RETN: variants seen among roughly 807,000 people sequenced by gnomAD.
RETN encodes C/EBP-epsilon regulated myeloid-specific secreted cysteine-rich protein precursor 1.
A neutral mutation model predicts 6.1 loss-of-function variants in RETN; 5 were observed. The observed-to-expected ratio is 0.82, with a 90% CI of 0.43 to 1.73. The LOEUF is 1.73. Among genes scored for constraint, RETN ranks in the 40% most tolerant of loss-of-function variants. The pLI, the probability that RETN is intolerant of heterozygous loss-of-function variation, is 0.02. For missense variants in RETN, 168 were observed against 142.5 expected (o/e 1.18, Z -0.91); for synonymous variants, 62 against 59.2 (o/e 1.05, Z -0.22).
exon 4 of RETN, chr19:7,670,445 GATGATGATGAT>G: frequency 8.4e-7 from 1 of 1,193,774 alleles, no homozygotes; most frequent in Non-Finnish European, 1.1e-6. Flanking sequence ...TGATGATGAT[GATGATGATGAT>G]GATGATGGAG....
rs371035083 is a variant in RETN at position 7,669,936 on chromosome 19, G to C, written c.196+38G>C. On this transcript the variant is annotated intron_variant, in intron 3 of 3. Transcript: ENST00000221515. Reference sequence around the variant, plus strand: ...GACTGTTGTCCAGGCGCCCATTTCTGTTCCAAGTCCCCTGGGAATGCCCCC... The same window carrying C: ...GACTGTTGTCCAGGCGCCCATTTCTCTTCCAAGTCCCCTGGGAATGCCCCC... 3.6e-5 allele frequency: 56 copies of C among 1,548,214 alleles called. No homozygotes were observed. In the East Asian group the frequency reaches 8.8e-4, roughly 24 times the overall value.
chr19:7,669,581 C>A (rs2032457514), intron 2 of RETN, 137 bp downstream of exon 2: 1 of 768,386 alleles, frequency 1.3e-6, no homozygotes, highest in South Asian at 1.4e-5. Context: ...AAATTCAACC[C>A]CAACTCCACT....
intron 3 of RETN, 111 bp downstream of exon 3, chr19:7,670,009 G>A (rs978536976): frequency 1.0e-5 from 10 of 991,434 alleles, no homozygotes; most frequent in African/African-American, 1.6e-5. Context: ...TAGGATCTTG[G>A]TCCTGACTCC....
chr19:7,670,249 C>A lies in RETN; in HGVS notation c.227C>A (p.Ser76Tyr). The change falls in exon 4 of 4, where the codon TCC becomes TAC. Residue 76 changes from serine (S) to tyrosine (Y), a missense_variant. By Grantham distance (144) the Ser-to-Tyr change is moderately radical. Coordinates refer to ENST00000221515, the MANE Select transcript of RETN (RefSeq NM_020415.4). ...GCCGTCACCGGCTGCACTTGTGGCT[C>A]CGCCTGTGGCTCGTGGGATGTGCGC... ...GFAVTGCTCG[S>Y]ACGSWDVRAE... 6.2e-7 allele frequency: 1 copy of A among 1,604,412 alleles called. No individual in the cohort carries two copies. Among genetic ancestry groups the A allele is most frequent in the Non-Finnish European group, 8.5e-7 (1 of 1,178,966 alleles).
rs1470365899 is a variant in RETN, at chr19:7,670,261, C to T, written c.239C>T (p.Ser80Leu). 2 of 1,598,450 alleles carry T rather than the reference C, an allele frequency of 1.3e-6. No individual in the cohort carries two copies. The highest frequency in any genetic ancestry group is 2.7e-5 in the African/African-American group (2 of 74,766). ...TGCTCGSACG[S>L]WDVRAETTCH... is the part of the protein sequence containing the mutation. ...TGCACTTGTGGCTCCGCCTGTGGCT[C>T]GTGGGATGTGCGCGCCGAGACCACA... The change falls in exon 4 of 4, where the codon TCG (serine) becomes TTG (leucine). Residue 80 changes from serine (S) to leucine (L), a missense_variant. By Grantham distance (145) the Ser-to-Leu change is moderately radical (BLOSUM62 -2). Coordinates refer to ENST00000221515, the MANE Select transcript of RETN (RefSeq NM_020415.4).
intron 3 of RETN, 70 bp downstream of exon 3, chr19:7,669,968 C>A: frequency 8.3e-7 from 1 of 1,207,264 alleles, no homozygotes; most frequent in Non-Finnish European, 1.2e-6. Flanking sequence ...CCCCTCCCCG[C>A]CACGTTCCCC....
At position 7,669,997 on chromosome 19, in the gene RETN, C is replaced by G; in HGVS notation, c.196+99C>G. On this transcript the variant is annotated intron_variant, in intron 3 of 3. Transcript: ENST00000221515. ...GTTCCCCGTGTCCAGCCTCTACTCC[C>G]CTAGGATCTTGGTCCTGACTCCCAG... 2.9e-6 allele frequency: 3 copies of G among 1,036,142 alleles called. No individual in the cohort carries two copies. The South Asian group carries it at 4.0e-5, about 14-fold the overall frequency. 64.2% of individuals were successfully genotyped at this position (1,036,142 alleles called of 1,614,324 possible). A position where few individuals can be genotyped will look rare whatever the true frequency, so the allele number is the denominator to read the frequency against.
rs1184508906 is a variant in RETN at position 7,670,381 on chromosome 19, G to A, written c.*32G>A. 6.5e-7 allele frequency: 1 copy of A among 1,532,750 alleles called. No homozygotes were observed. Among genetic ancestry groups the A allele is most frequent in the South Asian group, 1.2e-5 (1 of 84,554 alleles). 94.9% of individuals were successfully genotyped at this position (1,532,750 alleles called of 1,614,324 possible). A position where few individuals can be genotyped will look rare whatever the true frequency, so the allele number is the denominator to read the frequency against. On this transcript the variant is annotated 3_prime_UTR_variant, in exon 4 of 4. Transcript: ENST00000221515. ...GCGCAGCGCGTGCACAGCGCGGGCG[G>A]AGGCGGCTCCAGGTCCGGAGGGGTT...
Position 7,670,375 on chromosome 19 carries a change from C to T in RETN, c.*26C>T. ...GGTCGCGCGCAGCGCGTGCACAGCG[C>T]GGGCGGAGGCGGCTCCAGGTCCGGA... On this transcript the variant is annotated 3_prime_UTR_variant, in exon 4 of 4. Transcript: ENST00000221515. 3 of 1,533,248 alleles carry T rather than the reference C, an allele frequency of 2.0e-6. No individual in the cohort carries two copies. Among genetic ancestry groups the T allele is most frequent in the South Asian group, 1.2e-5 (1 of 84,614 alleles). 95.0% of individuals were successfully genotyped at this position (1,533,248 alleles called of 1,614,324 possible). A position where few individuals can be genotyped will look rare whatever the true frequency, so the allele number is the denominator to read the frequency against.
chr19:7,670,111 C>CGGGGG, intron 3 of RETN, 108 bp from the exon 4 acceptor site: 3 of 614,660 alleles, frequency 4.9e-6, no homozygotes, highest in Non-Finnish European at 5.9e-6. Flanking sequence ...CAGCCGTCCC[C>CGGGGG]GTCCCCACCC....
At chr19:7,670,112 G>A (rs1455397376) in intron 3 of RETN, 107 bp from the exon 4 acceptor site, 10 of 579,180 alleles carry the variant, frequency 1.7e-5, no homozygotes, top group Non-Finnish European at 2.8e-5. Flanking sequence ...AGCCGTCCCC[G>A]TCCCCACCCC....
chr19:7,669,917 T>A lies in RETN; in HGVS notation c.196+19T>A. 1 of 1,608,076 alleles carries A rather than the reference T, an allele frequency of 6.2e-7. No individual in the cohort carries two copies. Among genetic ancestry groups the A allele is most frequent in the Non-Finnish European group, 8.5e-7 (1 of 1,174,840 alleles). On this transcript the variant is annotated intron_variant, in intron 3 of 3. Coordinates refer to ENST00000221515, the MANE Select transcript of RETN (RefSeq NM_020415.4). ...CCCCGAGGTGAGTGCAGGAGACTGT[T>A]GTCCAGGCGCCCATTTCTGTTCCAA...
intron 3 of RETN, 76 bp from the exon 4 acceptor site, chr19:7,670,143 G>A: frequency 2.9e-6 from 1 of 343,738 alleles, no homozygotes; most frequent in Non-Finnish European, 5.0e-6. Context: ...ACCCCCCTCC[G>A]CGCTCCCCAC....
In RETN at chr19:7,669,065, A is replaced by G; in HGVS notation, c.-67A>G. 1.1e-5 allele frequency: 5 copies of G among 452,782 alleles called. No individual in the cohort carries two copies. Among genetic ancestry groups the G allele is most frequent in the Non-Finnish European group, 2.0e-5 (5 of 246,966 alleles). The allele number at this position is 452,782 out of a possible 1,614,324, so 28.0% of individuals were successfully genotyped here. ...CCCCACCCCAAGAGGCCTCAAAGAA[A>G]GAGCTGCGGTGCAGGAATTCGTGTG... is the stretch of plus-strand genomic sequence containing the variant. On this transcript the variant is annotated 5_prime_UTR_variant, in exon 1 of 4. Transcript: ENST00000221515.
At position 7,669,622 on chromosome 19, in the gene RETN, C is replaced by T. The variant is rs544873772; in HGVS notation, c.118+178C>T. Among the ~76,000 whole-genome samples, 41 of 152,196 alleles carry T rather than the reference C, an allele frequency of 2.7e-4. No individual in the cohort carries two copies. The South Asian group carries it at 8.5e-3, about 32-fold the overall frequency. On this transcript the variant is annotated intron_variant, in intron 2 of 3. Coordinates refer to ENST00000221515, the MANE Select transcript of RETN (RefSeq NM_020415.4). ...CCCCTCCGACTGTCCCCACCTTATC[C>T]ACGGCTCCAAACCCAATCCCCGCTC... is the stretch of plus-strand genomic sequence containing the variant.
At chr19:7,669,534 G>C (rs1329893956) in intron 2 of RETN, 90 bp downstream of exon 2, 1 of 947,882 alleles carries the variant, frequency 1.1e-6, no homozygotes. Flanking sequence ...CAGCCCCAGC[G>C]CTCACCAAAT....
intron 2 of RETN, 137 bp downstream of exon 2, chr19:7,669,581 C>T: frequency 1.3e-6 from 1 of 768,386 alleles, no homozygotes; most frequent in Non-Finnish European, 2.3e-6. Context: ...AAATTCAACC[C>T]CAACTCCACT....
chr19:7,670,350 G>A lies in RETN; in HGVS notation c.*1G>A. ...GCGCTGCTGTCGTGTGCAGCCCTGA[G>A]GTCGCGCGCAGCGCGTGCACAGCGC... On this transcript the variant is annotated 3_prime_UTR_variant, in exon 4 of 4. Coordinates refer to ENST00000221515, the MANE Select transcript of RETN (RefSeq NM_020415.4). 4 of 1,548,602 alleles carry A rather than the reference G, an allele frequency of 2.6e-6. No individual in the cohort carries two copies. Among genetic ancestry groups the A allele is most frequent in the Non-Finnish European group, 3.5e-6 (4 of 1,151,394 alleles).
chr19:7,669,761 A>G, intron 2 of RETN, 60 bp from the exon 3 acceptor site: 1 of 1,476,796 alleles, frequency 6.8e-7, no homozygotes, highest in African/African-American at 1.4e-5. Flanking sequence ...CTAGGGGAGG[A>G]TGGGGGAGGG....
Sources: allele counts gnomAD v4.1 joint callset (sites outside exome capture counted in the v4.1 genomes callset), GRCh38; gene constraint gnomAD v4.1.1; transcripts MANE v1.5; gene names NCBI Gene and HGNC (gene_info 2026-07-23, HGNC 2026-07-21).